ZNF695: variants seen among roughly 807,000 people sequenced by gnomAD.
ZNF695 encodes the protein zinc finger protein 695, also known as zinc finger protein SBZF3.
Under a neutral mutation model 11.2 loss-of-function variants are expected in ZNF695, and 11 were observed. That is an observed-to-expected ratio of 0.98 (90% CI 0.62 to 1.62). The LOEUF is 1.62. ZNF695 is among the 40% of genes most tolerant of loss of function. The pLI is 0.00. For synonymous variants in ZNF695, 190 were observed against 201.4 expected (o/e 0.94, Z 0.48); for missense variants, 559 against 590.5 (o/e 0.95, Z 0.55).
intron 3 of ZNF695, among the ~76,000 whole-genome samples, chr1:246,994,642 C>T (rs533801486): frequency 1.6e-4 from 25 of 152,006 alleles, no homozygotes; most frequent in Non-Finnish European, 2.6e-4. Context: ...TAGAGACCAT[C>T]CTGGCTAACA....
intron 4 of ZNF695, among the ~76,000 whole-genome samples, chr1:246,977,542 A>G (rs949330552): frequency 1.3e-4 from 20 of 152,224 alleles, no homozygotes; most frequent in African/African-American, 4.6e-4. Flanking sequence ...ATGAGCCACC[A>G]CACCCGGCAA....
chr1:247,005,692 CAAAAA>C lies in ZNF695; in HGVS notation c.3+2209_3+2213del, dbSNP rs960549534. On this transcript the variant is annotated intron_variant, in intron 1 of 3. Transcript: ENST00000339986. ...AACAAAACAAAACAAAACAAACAAA[CAAAAA>C]AAACGATAAAAAACAACAACAAAAA... 3.3e-5 allele frequency among the ~76,000 whole-genome samples: 5 copies of C among 151,412 alleles called. No homozygotes were observed. The East Asian group carries it at 9.7e-4, about 29-fold the overall frequency.
At chr1:246,991,999 T>C (rs1050042548) in intron 3 of ZNF695, among the ~76,000 whole-genome samples, 3 of 151,906 alleles carry the variant, frequency 2.0e-5, no homozygotes, top group African/African-American at 7.3e-5. Flanking sequence ...ATTGAGACCA[T>C]CCTGGCTAAC....
At chr1:246,976,532 C>A in intron 4 of ZNF695, among the ~76,000 whole-genome samples, 1 of 152,204 alleles carries the variant, frequency 6.6e-6, no homozygotes, top group South Asian at 2.1e-4. Flanking sequence ...CGGTGGCTCA[C>A]ACCTGTAATC....
At chr1:246,947,433 T>A (rs1277941114) in intron 5 of ZNF695, among the ~76,000 whole-genome samples, 2 of 152,096 alleles carry the variant, frequency 1.3e-5, no homozygotes, top group Non-Finnish European at 2.9e-5. Context: ...TGACTCACAA[T>A]TGCCTCTCAA....
intron 4 of ZNF695, among the ~76,000 whole-genome samples, chr1:246,974,795 G>C (rs1280404195): frequency 2.0e-5 from 3 of 152,164 alleles, no homozygotes; most frequent in Non-Finnish European, 4.4e-5. Context: ...CAGAAAAGCA[G>C]CACATCTAGT....
At position 246,987,850 on chromosome 1, in the gene ZNF695, T is replaced by C. The variant is rs760608094; in HGVS notation, c.665A>G (p.Asn222Ser). 11 of 1,610,322 alleles carry C rather than the reference T, an allele frequency of 6.8e-6. No individual in the cohort carries two copies. In the East Asian group the frequency reaches 1.6e-4, roughly 23 times the overall value. ...YQCKKCGKAF[N>S]ECSCFTDCKR... Reference sequence around the variant, plus strand: ...ACAGTCAGTAAAGCATGAGCACTCATTAAAGGCTTTGCCACATTTTTTACA... The same window carrying C: ...ACAGTCAGTAAAGCATGAGCACTCACTAAAGGCTTTGCCACATTTTTTACA... Residue 222 changes from asparagine to serine, a missense_variant, in exon 4 of 4, where the codon AAT becomes AGT. Asn to Ser is a conservative substitution (Grantham distance 46). Coordinates refer to ENST00000339986, the MANE Select transcript of ZNF695 (RefSeq NM_020394.5).
chr1:246,994,660 AC>A (rs1394764173), intron 3 of ZNF695, among the ~76,000 whole-genome samples: 1 of 151,430 alleles, frequency 6.6e-6, no homozygotes, highest in Non-Finnish European at 1.5e-5. Flanking sequence ...ACATGGTGAA[AC>A]CCCATCTCTA....
At chr1:246,949,185 T>A (rs758254612) in intron 5 of ZNF695, among the ~76,000 whole-genome samples, 1 of 152,136 alleles carries the variant, frequency 6.6e-6, no homozygotes, top group Non-Finnish European at 1.5e-5. Flanking sequence ...AGGAATACCA[T>A]ATGATGGTAT....
chr1:246,962,823 G>A (rs542032562), intron 5 of ZNF695, among the ~76,000 whole-genome samples: 46 of 152,016 alleles, frequency 3.0e-4, no homozygotes, highest in African/African-American at 1.1e-3. Flanking sequence ...CTCCCGAGTA[G>A]TTGGGACTAC....
rs766501363 is a variant in ZNF695 at position 247,000,013 on chromosome 1, TC to T, written c.64del (p.Asp22ThrfsTer11). On this transcript the variant is annotated frameshift_variant, in exon 2 of 4. Transcript: ENST00000339986. LOFTEE classifies it high-confidence loss of function. ...EFSPEEWECL[D>X]PAQRSLYRDV... The stretch of plus-strand genomic sequence containing the variant: ...CCTATACAAACTCCGCTGAGCTGGG[TC>T]CAGGCATTCCCACTCCTCTGGAGAG... The T allele has an allele frequency of 1.2e-6, 2 of 1,614,094 alleles. No individual in the cohort carries two copies. Among genetic ancestry groups the T allele is most frequent in the Admixed American group, 3.3e-5 (2 of 59,990 alleles).
intron 5 of ZNF695, among the ~76,000 whole-genome samples, chr1:246,946,257 T>C (rs1041458874): frequency 1.3e-5 from 2 of 152,202 alleles, no homozygotes; most frequent in Non-Finnish European, 2.9e-5. Flanking sequence ...TATCACTATA[T>C]GACAGAGCGT....
At chr1:247,003,258 A>G (rs572518318) in intron 1 of ZNF695, among the ~76,000 whole-genome samples, 2 of 152,358 alleles carry the variant, frequency 1.3e-5, no homozygotes, top group South Asian at 2.1e-4. Flanking sequence ...ACATACATGA[A>G]CACCAGGGAA....
downstream of ZNF695, chr1:246,985,211 A>C (rs2103021393): frequency 1.2e-6 from 1 of 819,316 alleles, no homozygotes; most frequent in Middle Eastern, 6.2e-4. Flanking sequence ...TCTCCATGTA[A>C]ACCAAAACTA....
intron 4 of ZNF695, chr1:246,969,705 T>C (rs1414724349): frequency 6.6e-6 from 1 of 152,260 alleles, no homozygotes; most frequent in Admixed American, 6.5e-5. Flanking sequence ...TTTAGTCAGC[T>C]CAGGGTTCTG....
intron 5 of ZNF695, among the ~76,000 whole-genome samples, chr1:246,957,278 G>C (rs1219267166): frequency 6.6e-6 from 1 of 151,926 alleles, no homozygotes; most frequent in Non-Finnish European, 1.5e-5. Flanking sequence ...AGCTACTCGG[G>C]AGGCTGAGGC....
At chr1:247,007,110 G>GT (rs1669561440) in intron 1 of ZNF695, among the ~76,000 whole-genome samples, 2 of 152,266 alleles carry the variant, frequency 1.3e-5, no homozygotes, top group Admixed American at 1.3e-4. Flanking sequence ...TTCCCTTCAA[G>GT]TTTAGCCCCA....
At chr1:246,956,436 T>C (rs2103001542) in intron 5 of ZNF695, among the ~76,000 whole-genome samples, 1 of 150,156 alleles carries the variant, frequency 6.7e-6, no homozygotes, top group East Asian at 2.1e-4. Flanking sequence ...GCCAACATGG[T>C]GAAACCCCGT....
At chr1:246,977,035 T>TA (rs1668585760) in intron 4 of ZNF695, among the ~76,000 whole-genome samples, 1 of 152,202 alleles carries the variant, frequency 6.6e-6, no homozygotes, top group Non-Finnish European at 1.5e-5. Context: ...TCAGATCAGT[T>TA]ACGCACATAT....
Sources: gnomAD v4.1 joint callset for allele counts (sites outside exome capture counted in the v4.1 genomes callset) on GRCh38, gnomAD v4.1.1 for gene constraint, MANE v1.5 for transcripts, NCBI Gene and HGNC (gene_info 2026-07-23, HGNC 2026-07-21) for gene names.